Variants in DUOX1 observed in about 807,000 individuals in gnomAD.
DUOX1 encodes the protein NADPH thyroid oxidase 1.
Under a neutral mutation model 181.8 loss-of-function variants are expected in DUOX1, and 134 were observed. The observed-to-expected ratio is 0.74, with a 90% CI of 0.64 to 0.85. The LOEUF (loss-of-function observed/expected upper bound fraction) is 0.85. Among genes scored for constraint, DUOX1 ranks in the 40% least tolerant of loss-of-function variants. The pLI, the probability that DUOX1 is intolerant of heterozygous loss-of-function variation, is 0.00. For missense variants in DUOX1, 1,814 were observed against 2,064.4 expected (o/e 0.88, Z 2.35); for synonymous variants, 798 against 832.5 (o/e 0.96, Z 0.71).
Position 45,151,957 on chromosome 15 carries a change from A to C in DUOX1, c.3098A>C (p.Gln1033Pro), listed in dbSNP as rs768541146. The change falls in exon 24 of 34, where the codon CAG becomes CCG. Residue 1033 changes from glutamine to proline, a missense_variant. Physicochemically the swap from Gln to Pro is moderately conservative, Grantham distance 76. This residue lies in a region of DUOX1 where 1,064 missense variants were observed against 1,152.9 expected (regional missense o/e 0.92). Transcript: ENST00000389037. ...AGCTGTCTCCACCAGACGGTGCAAC[A>C]GTTCAAGCGCTTCATTGAGAACTAC... ...QRSCLHQTVQ[Q>P]FKRFIENYRR... The C allele has an allele frequency of 2.5e-6, 4 of 1,613,814 alleles. No homozygotes were observed. Among genetic ancestry groups the C allele is most frequent in the Non-Finnish European group, 3.4e-6 (4 of 1,180,010 alleles).
chr15:45,147,690 G>A (rs1465285133), intron 19 of DUOX1, 32 bp downstream of exon 19: 1 of 1,612,122 alleles, frequency 6.2e-7, no homozygotes, highest in Non-Finnish European at 8.5e-7. Context: ...GGAGAGGCTG[G>A]ACAGGGGCTG....
rs569647451 is a variant in DUOX1, at chr15:45,132,506, C to T, written c.58+482C>T. ...TGTTGCTGCCTTCAGTAGACAGTTT[C>T]TTGCTGGAATCTGAGGCTGCTCTCT... is the stretch of plus-strand genomic sequence containing the variant. On this transcript the variant is annotated intron_variant, in intron 2 of 33. Transcript: ENST00000389037. 2.0e-5 allele frequency among the ~76,000 whole-genome samples: 3 copies of T among 152,340 alleles called. No individual in the cohort carries two copies. In the East Asian group the frequency reaches 5.8e-4, roughly 29 times the overall value.
intron 2 of DUOX1, among the ~76,000 whole-genome samples, chr15:45,133,524 A>G (rs1370353252): frequency 4.6e-5 from 7 of 152,200 alleles, no homozygotes; most frequent in Non-Finnish European, 8.8e-5. Flanking sequence ...GCTGAAGTTT[A>G]AGGGGAGTAA....
Position 45,151,964 on chromosome 15 carries a change from G to A in DUOX1, c.3105G>A (p.Lys1035=). The A allele has an allele frequency of 6.8e-6, 11 of 1,614,082 alleles. No individual in the cohort carries two copies. Among genetic ancestry groups the A allele is most frequent in the Non-Finnish European group, 9.3e-6 (11 of 1,180,010 alleles). The change falls in exon 24 of 34, where the codon AAG becomes AAA. Residue 1035 remains lysine (K), a synonymous_variant. Transcript: ENST00000389037. ...TCCACCAGACGGTGCAACAGTTCAAGCGCTTCATTGAGAACTACCGGCGCC... is the reference window on the plus strand; with the variant it reads ...TCCACCAGACGGTGCAACAGTTCAAACGCTTCATTGAGAACTACCGGCGCC... ...SCLHQTVQQF[K]RFIENYRRHI...
At chr15:45,149,616 A>G (rs2141282709) in intron 21 of DUOX1, among the ~76,000 whole-genome samples, 1 of 152,316 alleles carries the variant, frequency 6.6e-6, no homozygotes, top group African/African-American at 2.4e-5. Flanking sequence ...TGGGAGGCCA[A>G]AGTGGGAGGA....
rs1221100513 is a variant in DUOX1, at chr15:45,164,848, C to G, written c.4603C>G (p.Leu1535Val). ...MTKNVEKACQLINRQDRTHFS... is the reference protein window; with the variant it reads ...MTKNVEKACQVINRQDRTHFS... ...CAAGAATGTGGAAAAGGCCTGTCAG[C>G]TCATCAACAGGCAGGACCGGACTCA... The change falls in exon 34 of 34, where the codon CTC becomes GTC. Residue 1535 changes from leucine to valine, a missense_variant. Coordinates refer to ENST00000389037, the MANE Select transcript of DUOX1 (RefSeq NM_175940.3). 1 of 1,613,938 alleles carries G rather than the reference C, an allele frequency of 6.2e-7. No individual in the cohort carries two copies. Among genetic ancestry groups the G allele is most frequent in the African/African-American group, 1.3e-5 (1 of 75,044 alleles).
At chr15:45,133,772 G>A (rs757185497) in intron 2 of DUOX1, 92 bp from the exon 3 acceptor site, 3 of 1,089,464 alleles carry the variant, frequency 2.8e-6, no homozygotes, top group Non-Finnish European at 4.1e-6. Context: ...GCTGCTCCAA[G>A]TGCCAGGCTC....
At chr15:45,148,139 G>C (rs1288173585) in intron 20 of DUOX1, 133 bp from the exon 21 acceptor site, 1 of 1,459,086 alleles carries the variant, frequency 6.9e-7, no homozygotes, top group Non-Finnish European at 9.5e-7. Context: ...CAAACTAGCA[G>C]GGGGCTTGGG....
Position 45,147,543 on chromosome 15 carries a change from G to T in DUOX1, c.2433G>T (p.Leu811=), listed in dbSNP as rs770944628. ...ELSRAEFAES[L]GLKPQDMFVE... ...GCAGGGCCGAGTTTGCCGAGTCCCT[G>T]GGCCTCAAGCCCCAGGACATGTTTG... is the stretch of plus-strand genomic sequence containing the variant. The change falls in exon 19 of 34, where the codon CTG becomes CTT. Residue 811 remains leucine, a synonymous_variant. Transcript: ENST00000389037. The T allele has an allele frequency of 4.3e-6, 7 of 1,613,962 alleles. No individual in the cohort carries two copies. Among genetic ancestry groups the T allele is most frequent in the Non-Finnish European group, 5.9e-6 (7 of 1,179,986 alleles).
At chr15:45,156,899 G>T (rs1896981909) in intron 28 of DUOX1, among the ~76,000 whole-genome samples, 1 of 152,154 alleles carries the variant, frequency 6.6e-6, no homozygotes, top group South Asian at 2.1e-4. Flanking sequence ...GTGTCCCTGT[G>T]TTGTGGCTCT....
intron 2 of DUOX1, among the ~76,000 whole-genome samples, chr15:45,133,587 CCTCTCTGAGGCCGTCTGTCAGCACA>C (rs1896207366): frequency 6.6e-6 from 1 of 152,320 alleles, no homozygotes; most frequent in South Asian, 2.1e-4. Context: ...GCCCCCTCTC[CCTCTCTGAGGCCGTCTGTCAGCACA>C]CTCTGCTCCC....
rs778056277 is a variant in DUOX1, at chr15:45,161,746, C to T, written c.3865C>T (p.His1289Tyr). 2 of 1,613,498 alleles carry T rather than the reference C, an allele frequency of 1.2e-6. No individual in the cohort carries two copies. Among genetic ancestry groups the T allele is most frequent in the Non-Finnish European group, 1.7e-6 (2 of 1,180,024 alleles). Reference protein sequence around the residue: ...KAELLPSGVTHLRFQRPQGFE... With the variant: ...KAELLPSGVTYLRFQRPQGFE... ...CCACCATCCCTCCCCAGGAGTGACC[C>T]ACCTGCGGTTCCAGCGGCCCCAGGG... is the stretch of plus-strand genomic sequence containing the variant. Residue 1289 changes from histidine to tyrosine, a missense_variant, in exon 30 of 34, where the codon CAC becomes TAC. Around this residue, in one of 5 missense-constraint regions of DUOX1, gnomAD observed 279 missense variants for 381.9 expected, o/e 0.73. Coordinates refer to ENST00000389037, the MANE Select transcript of DUOX1 (RefSeq NM_175940.3).
At position 45,134,831 on chromosome 15, in the gene DUOX1, C is replaced by T. The variant is rs1029465894; in HGVS notation, c.308-273C>T. Among the ~76,000 whole-genome samples the T allele has an allele frequency of 5.3e-5, 8 of 152,108 alleles. No individual in the cohort carries two copies. The East Asian group carries it at 1.4e-3, about 26-fold the overall frequency. On this transcript the variant is annotated intron_variant, in intron 4 of 33. Coordinates refer to ENST00000389037, the MANE Select transcript of DUOX1 (RefSeq NM_175940.3). ...TGCTGCGTTTTGGAGCTGGTGCTGC[C>T]GGCCCGTTTGCCTAGGCACACTCAC...
chr15:45,135,418 C>G, intron 5 of DUOX1, 56 bp from the exon 6 acceptor site: 1 of 1,525,644 alleles, frequency 6.6e-7, no homozygotes, highest in South Asian at 1.2e-5. Context: ...GGGCCCCGGC[C>G]TTCCCTAGCT....
At position 45,154,096 on chromosome 15, in the gene DUOX1, C is replaced by T; in HGVS notation, c.3574+96C>T. On this transcript the variant is annotated intron_variant, in intron 27 of 33. Transcript: ENST00000389037. The stretch of plus-strand genomic sequence containing the variant: ...CCAGAGCAACCCACGTTCACTCACT[C>T]AGCTCTTCCGGTGACCCAGGCTCTG... 1.7e-6 allele frequency: 2 copies of T among 1,173,800 alleles called. 1 individual carries two copies. Among genetic ancestry groups the T allele is most frequent in the Middle Eastern group, 3.9e-4 (2 of 5,072 alleles). 72.7% of individuals were successfully genotyped at this position (1,173,800 alleles called of 1,614,324 possible).
At chr15:45,141,484 A>G in intron 14 of DUOX1, 74 bp downstream of exon 14, 2 of 1,472,474 alleles carry the variant, frequency 1.4e-6, no homozygotes, top group South Asian at 1.1e-5. Flanking sequence ...GGCTTGGCTC[A>G]ATGTGGCTGA....
At chr15:45,140,529 A>G (rs1311034348) in intron 12 of DUOX1, 1 of 186,582 alleles carries the variant, frequency 5.4e-6, no homozygotes, top group Non-Finnish European at 1.1e-5. Context: ...ATTAAAAAAA[A>G]TTTTAGTTCT....
intron 15 of DUOX1, 40 bp downstream of exon 15, chr15:45,142,152 A>G (rs1428318004): frequency 1.9e-6 from 3 of 1,597,066 alleles, no homozygotes; most frequent in Middle Eastern, 1.7e-4. Flanking sequence ...GAGAGATGCA[A>G]GCTAGGGGAT....
At chr15:45,163,303 A>G (rs1897150708) in intron 31 of DUOX1, among the ~76,000 whole-genome samples, 2 of 152,112 alleles carry the variant, frequency 1.3e-5, no homozygotes, top group Admixed American at 6.5e-5. Context: ...TCACCAAGGG[A>G]TCTTTCCCAT....
Sources: allele counts gnomAD v4.1 joint callset (sites outside exome capture counted in the v4.1 genomes callset), GRCh38; gene constraint gnomAD v4.1.1; regional missense constraint gnomAD v4.1.1; transcripts MANE v1.5; gene names NCBI Gene and HGNC (gene_info 2026-07-23, HGNC 2026-07-21).